Variants in SAP130 observed in about 807,000 individuals in gnomAD.
The protein encoded by SAP130 is histone deacetylase complex subunit SAP130.
Under a neutral mutation model 103.2 loss-of-function variants are expected in SAP130, and 16 were observed. The ratio of observed to expected loss-of-function variants is 0.16; its 90% CI spans 0.10 to 0.24. The LOEUF is 0.24. Ranked by LOEUF, SAP130 falls within the 10% of genes least tolerant of loss-of-function variation. The pLI is 1.00. For missense variants in SAP130, 990 were observed against 1,359.7 expected (o/e 0.73, Z 4.28); for synonymous variants, 477 against 497.0 (o/e 0.96, Z 0.53).
At position 127,953,578 on chromosome 2, in the gene SAP130, T is replaced by G. The variant is rs1679632264; in HGVS notation, c.2422+1408A>C. 6.6e-6 allele frequency among the ~76,000 whole-genome samples: 1 copy of G among 152,208 alleles called. No homozygotes were observed. Among genetic ancestry groups the G allele is most frequent in the South Asian group, 2.1e-4 (1 of 4,826 alleles). On this transcript the variant is annotated intron_variant, in intron 16 of 20. Transcript: ENST00000643581. The surrounding 1 kb of genome is among the most constrained non-coding windows in gnomAD (Gnocchi z 4.0). The stretch of plus-strand genomic sequence containing the variant: ...CTGTTCTACCATGATCTGATCCTGC[T>G]GCCTGCCACTCCCCTTATTACTTAG...
intron 7 of SAP130, among the ~76,000 whole-genome samples, chr2:128,003,716 C>T (rs1054069785): frequency 7.2e-6 from 1 of 138,044 alleles, no homozygotes. Context: ...AAAGTGCTCC[C>T]TAATCTGTTG....
At chr2:128,009,127 C>G (rs2105153394) in intron 7 of SAP130, among the ~76,000 whole-genome samples, 1 of 152,240 alleles carries the variant, frequency 6.6e-6, no homozygotes, top group African/African-American at 2.4e-5. Context: ...TCCCACACCC[C>G]CACCGCCTGC....
chr2:127,942,092 C>T lies in SAP130; in HGVS notation c.3088G>A (p.Asp1030Asn), dbSNP rs758950225. The change falls in exon 21 of 21, where the codon GAT (aspartate) becomes AAT (asparagine). Residue 1030 changes from aspartate (D) to asparagine (N), a missense_variant. Transcript: ENST00000643581. The surrounding 1 kb of genome is among the most constrained non-coding windows in gnomAD (Gnocchi z 4.8). ...AGCTTCAGGACACGGTCTTTATGATCTAAAACCTTAAGCATGGAGTCTCTG... is the reference window on the plus strand; with the variant it reads ...AGCTTCAGGACACGGTCTTTATGATTTAAAACCTTAAGCATGGAGTCTCTG... ...EARDSMLKVL[D>N]HKDRVLKLLN... 1 of 1,610,474 alleles carries T rather than the reference C, an allele frequency of 6.2e-7. No individual in the cohort carries two copies. Among genetic ancestry groups the T allele is most frequent in the Non-Finnish European group, 8.5e-7 (1 of 1,179,164 alleles).
chr2:127,958,059 C>T (rs1193399747), intron 15 of SAP130, among the ~76,000 whole-genome samples: 1 of 152,208 alleles, frequency 6.6e-6, no homozygotes, highest in Non-Finnish European at 1.5e-5. Flanking sequence ...AACAAACCAC[C>T]ATGGCACATG....
chr2:127,970,400 G>A (rs1397433580), intron 15 of SAP130, among the ~76,000 whole-genome samples: 4 of 151,596 alleles, frequency 2.6e-5, no homozygotes, highest in Non-Finnish European at 5.9e-5. Context: ...AATTAGCTGG[G>A]CATGGTGATG....
intron 16 of SAP130, among the ~76,000 whole-genome samples, chr2:127,951,687 T>C (rs183001838): frequency 9.9e-4 from 151 of 152,248 alleles, no homozygotes; most frequent in South Asian, 1.2e-3. Flanking sequence ...GGCCAAGAGG[T>C]TAAATCCTGT....
chr2:127,948,819 T>A (rs1238189765), intron 18 of SAP130, among the ~76,000 whole-genome samples: 1 of 152,184 alleles, frequency 6.6e-6, no homozygotes, highest in Non-Finnish European at 1.5e-5. Context: ...TCAAGTTATC[T>A]TTCTTGAGAT....
chr2:127,995,585 G>A (rs771808672), intron 11 of SAP130, among the ~76,000 whole-genome samples: 2 of 152,118 alleles, frequency 1.3e-5, no homozygotes, highest in Admixed American at 1.3e-4. Flanking sequence ...TAGACAACAC[G>A]TTAGAAAAAC....
intron 3 of SAP130, among the ~76,000 whole-genome samples, chr2:128,017,467 A>G (rs1324483890): frequency 1.3e-5 from 2 of 152,246 alleles, no homozygotes; most frequent in African/African-American, 4.8e-5. Context: ...AATGGATAAC[A>G]GCAAAGATCC....
intron 5 of SAP130, among the ~76,000 whole-genome samples, chr2:128,013,933 A>AT (rs1253437749): frequency 6.6e-6 from 1 of 152,208 alleles, no homozygotes; most frequent in Non-Finnish European, 1.5e-5. Context: ...TTATTGTTAC[A>AT]TAAGTTAAAA....
At chr2:128,000,272 A>C (rs759233287) in intron 8 of SAP130, 35 bp downstream of exon 8, 3 of 1,613,426 alleles carry the variant, frequency 1.9e-6, no homozygotes, top group Non-Finnish European at 2.5e-6. Context: ...TTTACCCAAC[A>C]AAGTACACAG....
In SAP130 at chr2:127,947,764, C is replaced by CTGTGTGAGTG. The variant is rs1553500424; in HGVS notation, c.2797+2104_2797+2105insCACTCACACA. ...TGAATTAATTTTGTATTGTGTGTGT[C>CTGTGTGAGTG]TGTGTGTGTGTGTGTGTGTGTGTGT... is the stretch of plus-strand genomic sequence containing the variant. On this transcript the variant is annotated intron_variant, in intron 18 of 20. Transcript: ENST00000643581. 8.3e-3 allele frequency among the ~76,000 whole-genome samples: 1,191 copies of CTGTGTGAGTG among 143,418 alleles called. 40 individuals are homozygous for CTGTGTGAGTG. The East Asian group carries it at 0.12, about 15-fold the overall frequency. The allele number at this position is 143,418 out of a possible 152,430, so 94.1% of individuals were successfully genotyped here.
chr2:127,986,140 C>A lies in SAP130; in HGVS notation c.1958+645G>T, dbSNP rs115311927. Among the ~76,000 whole-genome samples the A allele has an allele frequency of 0.028, 4,228 of 152,342 alleles. 178 individuals are homozygous for A. The highest frequency in any genetic ancestry group is 0.093 in the African/African-American group (3,858 of 41,572). On this transcript the variant is annotated intron_variant, in intron 14 of 20. Coordinates refer to ENST00000643581, the MANE Select transcript of SAP130 (RefSeq NM_001330301.2). This position sits in a 1 kb window ranked among gnomAD's most constrained non-coding sequence, Gnocchi z 4.7. ...GGCAAGAACCCTGGGATACAGAAAG[C>A]TCTCTGTCCTTGCCATAAGGCAGGG...
chr2:127,975,908 G>A (rs935775355), intron 15 of SAP130, among the ~76,000 whole-genome samples: 2 of 152,230 alleles, frequency 1.3e-5, no homozygotes, highest in South Asian at 2.1e-4. Flanking sequence ...GCAGTGGTGC[G>A]ATCTTGGCTC....
At chr2:128,004,720 T>C (rs1573805240) in intron 7 of SAP130, among the ~76,000 whole-genome samples, 2 of 152,250 alleles carry the variant, frequency 1.3e-5, no homozygotes, top group East Asian at 3.9e-4. Context: ...CAGACACAGA[T>C]AAGCCCCGTC....
At chr2:128,000,975 G>A (rs1270032574) in intron 7 of SAP130, among the ~76,000 whole-genome samples, 1 of 152,174 alleles carries the variant, frequency 6.6e-6, no homozygotes, top group Non-Finnish European at 1.5e-5. Context: ...TTTACATGCT[G>A]TAAGTTTTTG....
chr2:128,014,997 G>C (rs1684671145), intron 4 of SAP130, 83 bp from the exon 5 acceptor site: 1 of 1,113,408 alleles, frequency 9.0e-7, no homozygotes, highest in Non-Finnish European at 1.3e-6. Context: ...TCCAAATGTG[G>C]GTCAGGTTGT....
chr2:127,941,830 C>G lies in SAP130; in HGVS notation c.*176G>C. ...ACGCAAGAAGGCAGCTCACTATGTC[C>G]AGTCAGCTCTGATCCTTTCACGCCC... On this transcript the variant is annotated 3_prime_UTR_variant, in exon 21 of 21. Transcript: ENST00000643581. 1.6e-6 allele frequency: 1 copy of G among 610,586 alleles called. No homozygotes were observed. The highest frequency in any genetic ancestry group is 2.8e-6 in the Non-Finnish European group (1 of 355,880). The allele number at this position is 610,586 out of a possible 1,614,324, so 37.8% of individuals were successfully genotyped here.
intron 9 of SAP130, 39 bp from the exon 10 acceptor site, chr2:127,999,884 T>C: frequency 6.9e-7 from 1 of 1,454,860 alleles, no homozygotes; most frequent in Non-Finnish European, 9.3e-7. Context: ...TAACAAGAAC[T>C]TCTCTGCACA....
Sources: allele counts gnomAD v4.1 joint callset (sites outside exome capture counted in the v4.1 genomes callset), GRCh38; gene constraint gnomAD v4.1.1; non-coding constraint Gnocchi (gnomAD v3.1); transcripts MANE v1.5; gene names NCBI Gene and HGNC (gene_info 2026-07-23, HGNC 2026-07-21).